ECE2: variants seen among roughly 807,000 people sequenced by gnomAD.
ECE2 encodes the protein endothelin converting enzyme 2.
A neutral mutation model predicts 100.6 loss-of-function variants in ECE2; 81 were observed. That is an observed-to-expected ratio of 0.81 (90% CI 0.67 to 0.97). The LOEUF (loss-of-function observed/expected upper bound fraction) is 0.97. Ranked by LOEUF, ECE2 falls within the 50% of genes least tolerant of loss-of-function variation. ECE2 has a pLI of 0.00. For synonymous variants in ECE2, 391 were observed against 391.5 expected, an observed-to-expected ratio of 1.00 and a Z score of 0.02; for missense variants, 911 against 988.1, an observed-to-expected ratio of 0.92 and a Z score of 1.05.
At position 184,283,976 on chromosome 3, in the gene ECE2, G is replaced by A. The variant is rs777501696; in HGVS notation, c.1005+3G>A. Reference sequence around the variant, plus strand: ...AGATGAGCATTTCGGAGCTGCAGGTGGGGCAGGCAGGGGGCTGGAGACAAC... The same window carrying A: ...AGATGAGCATTTCGGAGCTGCAGGTAGGGCAGGCAGGGGGCTGGAGACAAC... On this transcript the variant is annotated splice_donor_region_variant and intron_variant, in intron 8 of 18. Coordinates refer to ENST00000404464, the MANE Select transcript of ECE2 (RefSeq NM_001100121.2). 5.6e-6 allele frequency: 9 copies of A among 1,613,326 alleles called. No individual in the cohort carries two copies. Among genetic ancestry groups the A allele is most frequent in the Non-Finnish European group, 7.6e-6 (9 of 1,179,832 alleles).
chr3:184,288,790 A>G (rs113927964), intron 11 of ECE2, among the ~76,000 whole-genome samples: 2,258 of 152,338 alleles, frequency 0.015, 26 homozygotes, highest in Non-Finnish European at 0.022. Context: ...TGAGTGCTTT[A>G]TAACTGGTCT....
chr3:184,282,024 G>T (rs1342296101), intron 7 of ECE2, among the ~76,000 whole-genome samples: 1 of 151,908 alleles, frequency 6.6e-6, no homozygotes, highest in East Asian at 1.9e-4. Context: ...GCTTGAACCC[G>T]GGAGGCGGAG....
chr3:184,287,996 C>A, intron 11 of ECE2, 49 bp downstream of exon 11: 1 of 1,547,696 alleles, frequency 6.5e-7, no homozygotes, highest in South Asian at 1.1e-5. Flanking sequence ...ATTGACTGTT[C>A]ATGTATGTGC....
intron 16 of ECE2, 63 bp from the exon 17 acceptor site, chr3:184,290,977 G>T (rs1053212676): frequency 5.4e-5 from 85 of 1,571,268 alleles, no homozygotes; most frequent in Non-Finnish European, 7.1e-5. Flanking sequence ...GCTGGTGGGG[G>T]CACTGCTGCC....
At position 184,289,379 on chromosome 3, in the gene ECE2, G is replaced by A. The variant is rs1721203191; in HGVS notation, c.1375-58G>A. On this transcript the variant is annotated intron_variant, in intron 11 of 18. Transcript: ENST00000404464. This position sits in a 1 kb window ranked among gnomAD's most constrained non-coding sequence, Gnocchi z 4.1. ...AGGGATGGGGCACCAAGGGTGGATG[G>A]GTGGGGCAGGGATGCATTCAGTGCA... 2 of 1,501,464 alleles carry A rather than the reference G, an allele frequency of 1.3e-6. No individual in the cohort carries two copies. Among genetic ancestry groups the A allele is most frequent in the Admixed American group, 3.9e-5 (2 of 51,250 alleles). The allele number at this position is 1,501,464 out of a possible 1,614,324, so 93.0% of individuals were successfully genotyped here.
intron 1 of ECE2, 30 bp downstream of exon 1, chr3:184,276,222 G>A: frequency 7.0e-7 from 1 of 1,438,174 alleles, no homozygotes; most frequent in Non-Finnish European, 9.1e-7. Context: ...TCCACGGGAG[G>A]GGACTGGGTG....
rs768442677 is a variant in ECE2 at position 184,277,950 on chromosome 3, T to C, written c.504T>C (p.Ser168=). The part of the protein sequence containing the change: ...LLENTTFNSS[S]EAEQKTQRFY... ...AAAACACCACCTTCAACTCCAGCAG[T>C]GAAGCTGAGCAGAAGACACAGCGCT... is the stretch of plus-strand genomic sequence containing the variant. The change falls in exon 5 of 19, where the codon AGT becomes AGC. Residue 168 remains serine, a synonymous_variant. Transcript: ENST00000404464. 2 of 1,612,616 alleles carry C rather than the reference T, an allele frequency of 1.2e-6. No homozygotes were observed. The highest frequency in any genetic ancestry group is 1.7e-5 in the Admixed American group (1 of 59,986).
rs1254619638 is a variant in ECE2, at chr3:184,290,731, G to A, written c.1767-62G>A. ...GGCCTGTGGTTGAGCTGGGAGCAGG[G>A]CTGGAGGTGGGATTCAGAAGTACCC... is the stretch of plus-strand genomic sequence containing the variant. On this transcript the variant is annotated intron_variant, in intron 15 of 18. Coordinates refer to ENST00000404464, the MANE Select transcript of ECE2 (RefSeq NM_001100121.2). 1.1e-5 allele frequency: 17 copies of A among 1,612,436 alleles called. No individual in the cohort carries two copies. In the African/African-American group the frequency reaches 2.0e-4, roughly 19 times the overall value.
chr3:184,279,993 A>AC (rs1553838102), intron 7 of ECE2, among the ~76,000 whole-genome samples: 15 of 152,210 alleles, frequency 9.9e-5, no homozygotes, highest in African/African-American at 3.4e-4. Context: ...CAAATGAAAG[A>AC]GTGGCAGAAG....
At position 184,290,903 on chromosome 3, in the gene ECE2, G is replaced by A. The variant is rs1266906908; in HGVS notation, c.1834+43G>A. ...CGTCCCCTCTAGCCTAGAATTCCCA[G>A]TGGCTCCTGCAAGGCCTTGGGACAT... On this transcript the variant is annotated intron_variant, in intron 16 of 18. Coordinates refer to ENST00000404464, the MANE Select transcript of ECE2 (RefSeq NM_001100121.2). 5 of 1,613,272 alleles carry A rather than the reference G, an allele frequency of 3.1e-6. No individual in the cohort carries two copies. In the African/African-American group the frequency reaches 6.7e-5, roughly 22 times the overall value.
chr3:184,289,693 A>T lies in ECE2; in HGVS notation c.1526A>T (p.Lys509Ile). The T allele has an allele frequency of 1.9e-6, 3 of 1,613,496 alleles. No homozygotes were observed. The highest frequency in any genetic ancestry group is 2.5e-6 in the Non-Finnish European group (3 of 1,179,778). The change falls in exon 13 of 19, where the codon AAA (lysine) becomes ATA (isoleucine). Residue 509 changes from lysine (K) to isoleucine (I), a missense_variant. Transcript: ENST00000404464. This position sits in a 1 kb window ranked among gnomAD's most constrained non-coding sequence, Gnocchi z 4.1. Reference sequence around the variant, plus strand: ...TTCCCAGACTTTATCCTGGAGCCCAAAGAGCTGGATGATGTTTATGACGGG... The same window carrying T: ...TTCCCAGACTTTATCCTGGAGCCCATAGAGCTGGATGATGTTTATGACGGG... ...IGFPDFILEP[K>I]ELDDVYDGYE...
intron 9 of ECE2, 101 bp from the exon 10 acceptor site, chr3:184,285,377 C>T: frequency 1.0e-6 from 1 of 993,188 alleles, no homozygotes; most frequent in Non-Finnish European, 1.6e-6. Flanking sequence ...TCCACATATG[C>T]CTCTCGGGAC....
In ECE2 at chr3:184,291,249, C is replaced by T; in HGVS notation, c.2025+19C>T. 1 of 1,605,022 alleles carries T rather than the reference C, an allele frequency of 6.2e-7. No individual in the cohort carries two copies. The highest frequency in any genetic ancestry group is 8.5e-7 in the Non-Finnish European group (1 of 1,174,806). On this transcript the variant is annotated intron_variant, in intron 17 of 18. Transcript: ENST00000404464. The surrounding 1 kb of genome is among the most constrained non-coding windows in gnomAD (Gnocchi z 4.1). Reference sequence around the variant, plus strand: ...CTACAATGTGAGTGGCCTGACCAGCCCTCCAGCGGCTGAGGCCTGCTGGCC... The same window carrying T: ...CTACAATGTGAGTGGCCTGACCAGCTCTCCAGCGGCTGAGGCCTGCTGGCC...
Position 184,276,045 on chromosome 3 carries a change from G to C in ECE2, c.-109G>C. ...CCGCGGCCGAGCGGGGGTGCTGCGC[G>C]GCGGCCGTGATGGCTGGTGACGGCG... On this transcript the variant is annotated 5_prime_UTR_variant, in exon 1 of 19. Coordinates refer to ENST00000404464, the MANE Select transcript of ECE2 (RefSeq NM_001100121.2). 3 of 1,142,384 alleles carry C rather than the reference G, an allele frequency of 2.6e-6. No individual in the cohort carries two copies. The highest frequency in any genetic ancestry group is 4.3e-5 in the East Asian group (1 of 23,412). 70.8% of individuals were successfully genotyped at this position (1,142,384 alleles called of 1,614,324 possible). A position where few individuals can be genotyped will look rare whatever the true frequency, so the allele number is the denominator to read the frequency against.
intron 7 of ECE2, among the ~76,000 whole-genome samples, chr3:184,282,475 G>C (rs1720851998): frequency 6.6e-6 from 1 of 152,222 alleles, no homozygotes; most frequent in South Asian, 2.1e-4. Context: ...ACAGAGCAGT[G>C]TTGAGTGTCT....
chr3:184,286,660 T>C (rs1295056761), intron 10 of ECE2, among the ~76,000 whole-genome samples: 1 of 151,596 alleles, frequency 6.6e-6, no homozygotes, highest in East Asian at 2.0e-4. Flanking sequence ...AAAAATTAGC[T>C]GGGCGTGGTG....
In ECE2 at chr3:184,291,073, C is replaced by T. The variant is rs199925291; in HGVS notation, c.1868C>T (p.Pro623Leu). The part of the protein sequence containing the change: ...REYDKEGNLR[P>L]WWQNESLAAF... Reference sequence around the variant, plus strand: ...TATGACAAAGAAGGGAACCTGCGGCCCTGGTGGCAGAATGAGTCCCTGGCA... The same window carrying T: ...TATGACAAAGAAGGGAACCTGCGGCTCTGGTGGCAGAATGAGTCCCTGGCA... The change falls in exon 17 of 19, where the codon CCC becomes CTC. Residue 623 changes from proline to leucine, a missense_variant. By Grantham distance (98) the Pro-to-Leu change is moderately conservative (BLOSUM62 -3). Coordinates refer to ENST00000404464, the MANE Select transcript of ECE2 (RefSeq NM_001100121.2). The surrounding 1 kb of genome is among the most constrained non-coding windows in gnomAD (Gnocchi z 4.1). 4 of 1,584,998 alleles carry T rather than the reference C, an allele frequency of 2.5e-6. No individual in the cohort carries two copies.
At chr3:184,284,925 G>A (rs773489237) in intron 8 of ECE2, 38 bp from the exon 9 acceptor site, 18 of 1,602,516 alleles carry the variant, frequency 1.1e-5, no homozygotes, top group Non-Finnish European at 6.8e-6. Context: ...TGCTGGAAGC[G>A]AGTCGGGCAG....
At chr3:184,290,379 A>C in intron 14 of ECE2, 21 bp downstream of exon 14, 1 of 1,610,256 alleles carries the variant, frequency 6.2e-7, no homozygotes, top group Non-Finnish European at 8.5e-7. Context: ...CGGGGTGGAC[A>C]TAGACACTAG....
Sources: gnomAD v4.1 joint callset for allele counts (sites outside exome capture counted in the v4.1 genomes callset) on GRCh38, gnomAD v4.1.1 for gene constraint, Gnocchi (gnomAD v3.1) non-coding constraint, MANE v1.5 for transcripts, NCBI Gene and HGNC (gene_info 2026-07-23, HGNC 2026-07-21) for gene names.